Variants in CDH4 observed in about 807,000 individuals in gnomAD.
CDH4 encodes cadherin-4.
A neutral mutation model predicts 86.0 loss-of-function variants in CDH4; 33 were observed. That is an observed-to-expected ratio of 0.38 (90% confidence interval 0.29 to 0.51). CDH4 has a LOEUF of 0.51. Ranked by LOEUF, CDH4 falls within the 20% of genes least tolerant of loss-of-function variation. The probability of loss-of-function intolerance (pLI) is 0.86; values close to 1 mark genes in which losing one functional copy is unlikely to be tolerated. For missense variants in CDH4, 1,114 were observed against 1,307.4 expected (o/e 0.85, Z 2.28); for synonymous variants, 555 against 549.4 (o/e 1.01, Z -0.14).
intron 2 of CDH4, among the ~76,000 whole-genome samples, chr20:61,283,631 G>A (rs1440110441): frequency 6.6e-6 from 1 of 152,156 alleles, no homozygotes; most frequent in Non-Finnish European, 1.5e-5. Context: ...GTGCTGTGGT[G>A]TGTGTGTGGT....
At chr20:61,615,374 G>A (rs1281680555) in intron 2 of CDH4, among the ~76,000 whole-genome samples, 4 of 152,180 alleles carry the variant, frequency 2.6e-5, no homozygotes, top group South Asian at 2.1e-4. Context: ...CACCCACCTC[G>A]GCCTCCCAAA....
intron 2 of CDH4, among the ~76,000 whole-genome samples, chr20:61,550,265 C>T (rs1156927915): frequency 7.1e-6 from 1 of 140,212 alleles, no homozygotes; most frequent in Non-Finnish European, 1.5e-5. Context: ...GCCTCCCTGG[C>T]CTCCCTAGCC....
rs142079462 is a variant in CDH4 at position 61,899,031 on chromosome 20, C to T, written c.1188+3984C>T. On this transcript the variant is annotated intron_variant, in intron 8 of 15. Transcript: ENST00000614565. ...AAGAGGGAGGGCCGGGCGCAGTGGC[C>T]CAAGCCTGTAATCCCAGCACTTTGG... 1.0e-2 allele frequency among the ~76,000 whole-genome samples: 1,519 copies of T among 152,160 alleles called. 26 individuals are homozygous for T. Among genetic ancestry groups the T allele is most frequent in the African/African-American group, 0.035 (1,448 of 41,490 alleles).
intron 4 of CDH4, among the ~76,000 whole-genome samples, chr20:61,797,333 G>C (rs564520237): frequency 1.3e-5 from 2 of 152,350 alleles, no homozygotes; most frequent in South Asian, 2.1e-4. Flanking sequence ...CACTGCCCAG[G>C]GTGGGGACGA....
chr20:61,832,213 A>AG (rs1485285661), intron 4 of CDH4, among the ~76,000 whole-genome samples: 4 of 152,206 alleles, frequency 2.6e-5, no homozygotes, highest in African/African-American at 9.6e-5. Context: ...GGGTCAGAGC[A>AG]GGGGCACTGG....
At chr20:61,309,032 A>G (rs527595004) in intron 2 of CDH4, among the ~76,000 whole-genome samples, 2 of 152,372 alleles carry the variant, frequency 1.3e-5, no homozygotes, top group African/African-American at 4.8e-5. Flanking sequence ...TTTCGGGCCC[A>G]GAACACAGTG....
At chr20:61,565,232 G>GCT in intron 2 of CDH4, among the ~76,000 whole-genome samples, 1 of 51,068 alleles carries the variant, frequency 2.0e-5, no homozygotes. Flanking sequence ...AGGTGGTGGT[G>GCT]GTGGTGGTGG....
At chr20:61,381,872 C>T (rs932768126) in intron 2 of CDH4, among the ~76,000 whole-genome samples, 7 of 152,082 alleles carry the variant, frequency 4.6e-5, no homozygotes, top group South Asian at 2.1e-4. Flanking sequence ...CTCAGGAGTT[C>T]GAGGCCAGCC....
chr20:61,884,921 A>G (rs1984472862), intron 7 of CDH4, among the ~76,000 whole-genome samples: 2 of 152,100 alleles, frequency 1.3e-5, no homozygotes, highest in Admixed American at 1.3e-4. Flanking sequence ...GGCTAAGAGT[A>G]GGCATAGGGT....
chr20:61,738,119 A>G (rs563344135), intron 2 of CDH4: 2 of 152,326 alleles, frequency 1.3e-5, no homozygotes, highest in East Asian at 1.9e-4. Context: ...CCAGGGCCCA[A>G]TCCTCTGTGC....
chr20:61,470,118 G>A (rs1371771285), intron 2 of CDH4, among the ~76,000 whole-genome samples: 1 of 152,068 alleles, frequency 6.6e-6, no homozygotes, highest in East Asian at 1.9e-4. Context: ...TATTTTCATA[G>A]GGGTTGCATT....
At chr20:61,486,031 T>A (rs1345518055) in intron 2 of CDH4, among the ~76,000 whole-genome samples, 1 of 152,206 alleles carries the variant, frequency 6.6e-6, no homozygotes, top group Admixed American at 6.5e-5. Context: ...GGCTATGCCA[T>A]CTAACGTGAG....
chr20:61,739,586 A>T (rs1157583736), intron 2 of CDH4, among the ~76,000 whole-genome samples: 1 of 152,206 alleles, frequency 6.6e-6, no homozygotes, highest in Non-Finnish European at 1.5e-5. Flanking sequence ...GCCAGAAACC[A>T]CCAGTTACAA....
At chr20:61,542,999 G>A (rs191144054) in intron 2 of CDH4, among the ~76,000 whole-genome samples, 200 of 152,326 alleles carry the variant, frequency 1.3e-3, no homozygotes, top group African/African-American at 3.8e-3. Flanking sequence ...GTCTAAAAGC[G>A]GAAGGACTTG....
At chr20:61,595,716 G>A (rs1434546820) in intron 2 of CDH4, among the ~76,000 whole-genome samples, 1 of 152,188 alleles carries the variant, frequency 6.6e-6, no homozygotes, top group Non-Finnish European at 1.5e-5. Context: ...GAGGCGGCCC[G>A]TCTGTCTAAG....
At chr20:61,593,999 C>T (rs979011354) in intron 2 of CDH4, among the ~76,000 whole-genome samples, 1 of 130,948 alleles carries the variant, frequency 7.6e-6, no homozygotes, top group Non-Finnish European at 1.6e-5. Flanking sequence ...TGAGGAAATA[C>T]AGATTCAGAG....
At position 61,937,896 on chromosome 20, in the gene CDH4, A is replaced by T. The variant is rs2055214978; in HGVS notation, c.*953A>T. 1 of 152,420 alleles carries T rather than the reference A, an allele frequency of 6.6e-6. No homozygotes were observed. Among genetic ancestry groups the T allele is most frequent in the African/African-American group, 2.4e-5 (1 of 41,440 alleles). 9.4% of individuals were successfully genotyped at this position (152,420 alleles called of 1,614,324 possible). A position where few individuals can be genotyped will look rare whatever the true frequency, so the allele number is the denominator to read the frequency against. On this transcript the variant is annotated 3_prime_UTR_variant, in exon 16 of 16. Coordinates refer to ENST00000614565, the MANE Select transcript of CDH4 (RefSeq NM_001794.5). ...ACGGCCCCGCGACAGGCATCAATTC[A>T]AACCCCAGGACACTCTCGACAGCTC...
At chr20:61,590,572 A>T (rs1032275743) in intron 2 of CDH4, among the ~76,000 whole-genome samples, 5 of 152,222 alleles carry the variant, frequency 3.3e-5, no homozygotes, top group African/African-American at 4.8e-5. Context: ...TGCTGAAATC[A>T]GCAGATCGTC....
At chr20:61,893,645 AGATG>A (rs1231292277) in intron 7 of CDH4, among the ~76,000 whole-genome samples, 7 of 141,856 alleles carry the variant, frequency 4.9e-5, no homozygotes, top group African/African-American at 8.0e-5. Context: ...GTGGTTGGAT[AGATG>A]GATGGATGGG....
Sources: gnomAD v4.1 joint callset for allele counts (sites outside exome capture counted in the v4.1 genomes callset) on GRCh38, gnomAD v4.1.1 for gene constraint, MANE v1.5 for transcripts, NCBI Gene and HGNC (gene_info 2026-07-23, HGNC 2026-07-21) for gene names.